Variants in ZBTB20 observed in about 807,000 individuals in gnomAD.
ZBTB20 encodes the protein zinc finger and BTB domain containing 20, also known as zinc finger and BTB domain-containing protein 20.
Under a neutral mutation model 56.9 loss-of-function variants are expected in ZBTB20, and 9 were observed. That is an observed-to-expected ratio of 0.16 (90% CI 0.10 to 0.28). The LOEUF (loss-of-function observed/expected upper bound fraction) is 0.28. Ranked by LOEUF, ZBTB20 falls within the 10% of genes least tolerant of loss-of-function variation. The probability of loss-of-function intolerance (pLI) is 1.00; values close to 1 mark genes in which losing one functional copy is unlikely to be tolerated. For missense variants in ZBTB20, 655 were observed against 1,003.0 expected (o/e 0.65, Z 4.69); for synonymous variants, 417 against 420.7 (o/e 0.99, Z 0.11).
At chr3:114,343,047 G>C (rs750199629) in intron 11 of ZBTB20, among the ~76,000 whole-genome samples, 4 of 151,492 alleles carry the variant, frequency 2.6e-5, no homozygotes, top group Non-Finnish European at 5.9e-5. Flanking sequence ...GTTGGGCGTG[G>C]TAAAAGTATA....
At chr3:115,141,204 AC>A (rs1181028061) in intron 1 of ZBTB20, among the ~76,000 whole-genome samples, 1 of 152,112 alleles carries the variant, frequency 6.6e-6, no homozygotes, top group African/African-American at 2.4e-5. Flanking sequence ...TTTGTGTATG[AC>A]TTCACTAAAC....
intron 6 of ZBTB20, among the ~76,000 whole-genome samples, chr3:114,562,715 C>G (rs1037191746): frequency 3.9e-5 from 6 of 152,106 alleles, no homozygotes; most frequent in African/African-American, 1.4e-4. Context: ...TTCACTTGAA[C>G]ACTTAGAGGT....
intron 5 of ZBTB20, among the ~76,000 whole-genome samples, chr3:114,771,752 C>T (rs1015587788): frequency 1.3e-5 from 2 of 152,198 alleles, no homozygotes; most frequent in Non-Finnish European, 2.9e-5. Context: ...TCCTTATCCC[C>T]TCTTTGTCCA....
intron 6 of ZBTB20, among the ~76,000 whole-genome samples, chr3:114,605,179 T>G (rs2057049475): frequency 6.6e-6 from 1 of 152,092 alleles, no homozygotes. Context: ...ATAATAAATG[T>G]AATAGTATAA....
chr3:114,899,396 T>C (rs2075017354), intron 4 of ZBTB20, among the ~76,000 whole-genome samples: 2 of 152,052 alleles, frequency 1.3e-5, no homozygotes, highest in Non-Finnish European at 2.9e-5. Context: ...CACGGTGAAA[T>C]TGAGCCAAAC....
intron 1 of ZBTB20, among the ~76,000 whole-genome samples, chr3:115,139,865 GATTT>G (rs753803582): frequency 6.6e-6 from 1 of 151,890 alleles, no homozygotes; most frequent in African/African-American, 2.4e-5. Context: ...TAAACTAATA[GATTT>G]ATTATACTTA....
intron 2 of ZBTB20, among the ~76,000 whole-genome samples, chr3:115,038,456 T>G (rs770541793): frequency 1.3e-5 from 2 of 152,146 alleles, no homozygotes; most frequent in Non-Finnish European, 2.9e-5. Flanking sequence ...AATAAATAGA[T>G]GTAAATACAA....
chr3:115,066,097 C>T (rs1470649290), intron 2 of ZBTB20, among the ~76,000 whole-genome samples: 1 of 152,182 alleles, frequency 6.6e-6, no homozygotes, highest in Non-Finnish European at 1.5e-5. Flanking sequence ...GCATAACACA[C>T]TTATCCTAAC....
At chr3:114,951,693 A>G (rs1325109384) in intron 3 of ZBTB20, among the ~76,000 whole-genome samples, 3 of 152,126 alleles carry the variant, frequency 2.0e-5, no homozygotes, top group Admixed American at 1.3e-4. Flanking sequence ...TAGAATTTCA[A>G]TATGACTCAG....
chr3:114,572,669 A>T (rs569812764), intron 6 of ZBTB20, among the ~76,000 whole-genome samples: 26 of 152,202 alleles, frequency 1.7e-4, no homozygotes, highest in Non-Finnish European at 2.9e-4. Flanking sequence ...TAATGTAAGG[A>T]ACTTAGATTT....
intron 4 of ZBTB20, among the ~76,000 whole-genome samples, chr3:114,866,633 G>T (rs903742596): frequency 6.6e-6 from 1 of 152,148 alleles, no homozygotes; most frequent in Non-Finnish European, 1.5e-5. Flanking sequence ...ACAGTTGGAG[G>T]CTGGAACAGA....
chr3:114,976,531 C>T (rs1205248618), intron 2 of ZBTB20, among the ~76,000 whole-genome samples: 1 of 151,588 alleles, frequency 6.6e-6, no homozygotes, highest in Non-Finnish European at 1.5e-5. Context: ...GAGGCTGAAG[C>T]AGGAGAATTG....
chr3:114,495,873 C>T (rs1452844116), intron 7 of ZBTB20, among the ~76,000 whole-genome samples: 1 of 152,220 alleles, frequency 6.6e-6, no homozygotes, highest in Admixed American at 6.5e-5. Context: ...ATATGCAAAT[C>T]ACTTTATAAA....
At chr3:114,640,851 G>A (rs947993743) in intron 6 of ZBTB20, among the ~76,000 whole-genome samples, 5 of 151,848 alleles carry the variant, frequency 3.3e-5, no homozygotes, top group South Asian at 2.1e-4. Flanking sequence ...AAATTTCTAT[G>A]AATTATTTAG....
chr3:115,078,381 T>C (rs1379907752), intron 1 of ZBTB20, among the ~76,000 whole-genome samples: 1 of 152,110 alleles, frequency 6.6e-6, no homozygotes, highest in African/African-American at 2.4e-5. Flanking sequence ...TAAAATTCTT[T>C]ATGAGAAATT....
intron 5 of ZBTB20, among the ~76,000 whole-genome samples, chr3:114,738,188 T>C (rs2066316245): frequency 6.6e-6 from 1 of 152,068 alleles, no homozygotes; most frequent in Admixed American, 6.6e-5. Flanking sequence ...TTGATATAAA[T>C]ATACTAGATA....
At chr3:114,707,041 G>A (rs2063763018) in intron 5 of ZBTB20, among the ~76,000 whole-genome samples, 7 of 152,022 alleles carry the variant, frequency 4.6e-5, no homozygotes, top group Admixed American at 3.9e-4. Flanking sequence ...ACTGAAAAGC[G>A]AACAAAAAGC....
intron 3 of ZBTB20, among the ~76,000 whole-genome samples, chr3:114,925,035 G>A (rs1490825638): frequency 7.1e-6 from 1 of 140,906 alleles, no homozygotes; most frequent in Non-Finnish European, 1.5e-5. Context: ...CCAGGATGGA[G>A]TGCAGTGGCG....
chr3:114,489,808 T>C (rs1477989808), intron 7 of ZBTB20, among the ~76,000 whole-genome samples: 1 of 152,202 alleles, frequency 6.6e-6, no homozygotes, highest in Non-Finnish European at 1.5e-5. Context: ...TTTAGTCAAA[T>C]GACCCTAACA....
Sources: gnomAD v4.1 joint callset for allele counts (sites outside exome capture counted in the v4.1 genomes callset) on GRCh38, gnomAD v4.1.1 for gene constraint, MANE v1.5 for transcripts, NCBI Gene and HGNC (gene_info 2026-07-23, HGNC 2026-07-21) for gene names.